Variants in NYAP2 observed in about 807,000 individuals in gnomAD.
NYAP2 encodes neuronal tyrosine-phosphorylated phosphoinositide-3-kinase adaptor 2, also known as neuronal tyrosine-phosphorylated phosphoinositide-3-kinase adapter 2.
Under a neutral mutation model 50.4 loss-of-function variants are expected in NYAP2, and 23 were observed. The observed-to-expected ratio is 0.46, with a 90% CI of 0.33 to 0.65. NYAP2 has a LOEUF of 0.65. Among genes scored for constraint, NYAP2 ranks in the 30% least tolerant of loss-of-function variants. The pLI, the probability that NYAP2 is intolerant of heterozygous loss-of-function variation, is 0.02. For synonymous variants in NYAP2, 394 were observed against 365.2 expected, an observed-to-expected ratio of 1.08 and a Z score of -0.90; for missense variants, 885 against 861.0, an observed-to-expected ratio of 1.03 and a Z score of -0.35.
At chr2:225,605,145 G>A (rs1006239717) in intron 5 of NYAP2, among the ~76,000 whole-genome samples, 1 of 152,026 alleles carries the variant, frequency 6.6e-6, no homozygotes, top group Non-Finnish European at 1.5e-5. Context: ...TTCTCCCCAT[G>A]CATTAATATT....
intron 6 of NYAP2, among the ~76,000 whole-genome samples, chr2:225,628,098 G>C (rs1173651998): frequency 6.6e-6 from 1 of 152,132 alleles, no homozygotes; most frequent in Non-Finnish European, 1.5e-5. Flanking sequence ...CAGGAGCAAA[G>C]TACTAGCTTC....
chr2:225,422,095 T>C (rs1472500677), intron 3 of NYAP2, among the ~76,000 whole-genome samples: 2 of 152,218 alleles, frequency 1.3e-5, no homozygotes, highest in African/African-American at 4.8e-5. Context: ...TTTGTGTTTG[T>C]TCTGTTCAGT....
chr2:225,421,030 C>T (rs1014721008), intron 3 of NYAP2, among the ~76,000 whole-genome samples: 2 of 152,048 alleles, frequency 1.3e-5, no homozygotes, highest in Non-Finnish European at 2.9e-5. Flanking sequence ...TCAAGTGATC[C>T]TCCCACCTCA....
downstream of NYAP2, among the ~76,000 whole-genome samples, chr2:225,655,139 C>G (rs1309989788): frequency 6.6e-6 from 1 of 152,156 alleles, no homozygotes; most frequent in Non-Finnish European, 1.5e-5. Flanking sequence ...CAGGTAACTA[C>G]AGCAGACACA....
intron 4 of NYAP2, among the ~76,000 whole-genome samples, chr2:225,571,639 AG>A (rs1692075936): frequency 6.6e-6 from 1 of 152,160 alleles, no homozygotes; most frequent in East Asian, 1.9e-4. Context: ...TTCACAGAGC[AG>A]GGGGGCCCTG....
At chr2:225,453,648 T>G (rs983782785) in intron 3 of NYAP2, among the ~76,000 whole-genome samples, 118 of 152,098 alleles carry the variant, frequency 7.8e-4, no homozygotes, top group Non-Finnish European at 1.5e-3. Flanking sequence ...CAAGTTTTTT[T>G]GTTTGTTTGT....
intron 5 of NYAP2, among the ~76,000 whole-genome samples, chr2:225,611,849 A>C: frequency 6.6e-6 from 1 of 150,434 alleles, no homozygotes; most frequent in Non-Finnish European, 1.5e-5. Flanking sequence ...GAACATAATA[A>C]GTATATATAT....
intron 6 of NYAP2, among the ~76,000 whole-genome samples, chr2:225,640,294 A>G (rs1419744524): frequency 6.6e-6 from 1 of 152,188 alleles, no homozygotes; most frequent in Non-Finnish European, 1.5e-5. Context: ...TGGTATCTAT[A>G]AAAATTAATT....
intron 3 of NYAP2, among the ~76,000 whole-genome samples, chr2:225,413,227 C>T (rs1039965234): frequency 4.0e-5 from 6 of 151,896 alleles, no homozygotes; most frequent in Admixed American, 6.6e-5. Flanking sequence ...TCAGGACCCA[C>T]GTACAGTGTG....
intron 5 of NYAP2, among the ~76,000 whole-genome samples, chr2:225,596,018 T>G (rs1415684725): frequency 6.6e-6 from 1 of 152,136 alleles, no homozygotes; most frequent in Non-Finnish European, 1.5e-5. Context: ...TCTATGTAAA[T>G]AATTCCATAT....
chr2:225,467,602 A>T (rs1689941347), intron 3 of NYAP2, among the ~76,000 whole-genome samples: 1 of 152,228 alleles, frequency 6.6e-6, no homozygotes, highest in Admixed American at 6.5e-5. Flanking sequence ...AGACTATCAA[A>T]GTCTCACTGC....
intron 5 of NYAP2, among the ~76,000 whole-genome samples, chr2:225,591,684 G>A (rs1692507687): frequency 1.3e-5 from 2 of 152,100 alleles, no homozygotes; most frequent in Admixed American, 1.3e-4. Flanking sequence ...GTCACATGGG[G>A]AGTAAATCTG....
chr2:225,692,792 G>C, the NYAP2 span, among the ~76,000 whole-genome samples: 1 of 151,618 alleles, frequency 6.6e-6, no homozygotes. Context: ...ATACCATGTT[G>C]CTTCCTTTTA....
intron 4 of NYAP2, among the ~76,000 whole-genome samples, chr2:225,551,717 G>A (rs1259571629): frequency 1.3e-5 from 2 of 152,180 alleles, no homozygotes; most frequent in Non-Finnish European, 2.9e-5. Flanking sequence ...GATAAAAAAG[G>A]TATTGGACAC....
At chr2:225,664,082 T>G in the NYAP2 span, among the ~76,000 whole-genome samples, 1 of 152,178 alleles carries the variant, frequency 6.6e-6, no homozygotes, top group African/African-American at 2.4e-5. Flanking sequence ...AAGGCCTTAT[T>G]TTTGCATCAG....
At chr2:225,525,083 T>A (rs73084707) in intron 4 of NYAP2, among the ~76,000 whole-genome samples, 5,055 of 152,136 alleles carry the variant, frequency 0.033, 274 homozygotes, top group African/African-American at 0.11. Flanking sequence ...AGTTAAAAAA[T>A]GGATGTTGGC....
At position 225,541,906 on chromosome 2, in the gene NYAP2, C is replaced by A. The variant is rs181028428; in HGVS notation, c.523+28234C>A. 2.4e-4 allele frequency among the ~76,000 whole-genome samples: 36 copies of A among 152,160 alleles called. No homozygotes were observed. In the East Asian group the frequency reaches 6.9e-3, roughly 29 times the overall value. On this transcript the variant is annotated intron_variant, in intron 4 of 6. Transcript: ENST00000636099. ...TATGGAAATCTTAACATTATTGATC[C>A]TTCCAATCCATGAACATGGAATATT...
chr2:225,438,892 G>A (rs748368833), intron 3 of NYAP2, among the ~76,000 whole-genome samples: 1 of 152,182 alleles, frequency 6.6e-6, no homozygotes, highest in African/African-American at 2.4e-5. Context: ...AAGGTCAAAG[G>A]AAGAAAAGTG....
At chr2:225,492,460 C>T (rs190044964) in intron 3 of NYAP2, among the ~76,000 whole-genome samples, 1 of 152,246 alleles carries the variant, frequency 6.6e-6, no homozygotes, top group African/African-American at 2.4e-5. Context: ...AAAACAGGGG[C>T]ATGGTAATAA....
Sources: gnomAD v4.1 joint callset for allele counts (sites outside exome capture counted in the v4.1 genomes callset) on GRCh38, gnomAD v4.1.1 for gene constraint, MANE v1.5 for transcripts, NCBI Gene and HGNC (gene_info 2026-07-23, HGNC 2026-07-21) for gene names.